LLGL2: variants seen among roughly 807,000 people sequenced by gnomAD.
The protein encoded by LLGL2 is LLGL2, scribble cell polarity complex component.
A neutral mutation model predicts 123.2 loss-of-function variants in LLGL2; 81 were observed. The ratio of observed to expected loss-of-function variants is 0.66; its 90% CI spans 0.55 to 0.79. The LOEUF (loss-of-function observed/expected upper bound fraction) is 0.79. LLGL2 is among the 30% of genes least tolerant of loss of function. The pLI, the probability that LLGL2 is intolerant of heterozygous loss-of-function variation, is 0.00. For missense variants in LLGL2, 1,273 were observed against 1,414.6 expected (o/e 0.90, Z 1.61); for synonymous variants, 577 against 594.1 (o/e 0.97, Z 0.42).
chr17:75,548,801 T>C (rs928680601), intron 2 of LLGL2, among the ~76,000 whole-genome samples: 2 of 151,510 alleles, frequency 1.3e-5, no homozygotes, highest in African/African-American at 4.9e-5. Context: ...GGTAGCCCAT[T>C]CTGGTCTCCT....
intron 2 of LLGL2, among the ~76,000 whole-genome samples, chr17:75,552,128 T>A (rs1252183766): frequency 6.7e-6 from 1 of 150,070 alleles, no homozygotes; most frequent in East Asian, 2.0e-4. Flanking sequence ...ACTCTGTCTT[T>A]AAAAAAAAAG....
rs139250953 is a variant in LLGL2, at chr17:75,535,996, G to A, written c.-30-7401G>A. Among the ~76,000 whole-genome samples, 639 of 152,352 alleles carry A rather than the reference G, an allele frequency of 4.2e-3. 7 individuals carry two copies. Among genetic ancestry groups the A allele is most frequent in the African/African-American group, 0.014 (591 of 41,576 alleles). On this transcript the variant is annotated intron_variant, in intron 1 of 25. Coordinates refer to ENST00000392550, the MANE Select transcript of LLGL2 (RefSeq NM_001031803.2). ...TGCAAGGCACAGACTTGGGTAGAAA[G>A]TGGATGGGAACCAGCCACAAGGCAG...
intron 2 of LLGL2, among the ~76,000 whole-genome samples, chr17:75,551,312 C>G (rs2054661314): frequency 6.6e-6 from 1 of 152,182 alleles, no homozygotes; most frequent in Admixed American, 6.5e-5. Context: ...CCAAGGACAG[C>G]TCTGCCCAGT....
intron 1 of LLGL2, among the ~76,000 whole-genome samples, chr17:75,528,691 T>G (rs2053664336): frequency 6.6e-6 from 1 of 151,274 alleles, no homozygotes; most frequent in Admixed American, 6.6e-5. Flanking sequence ...TGAGCCAAGA[T>G]CACGCCATTG....
intron 19 of LLGL2, 96 bp from the exon 20 acceptor site, chr17:75,572,918 C>T (rs1457886105): frequency 7.7e-6 from 11 of 1,432,814 alleles, no homozygotes; most frequent in African/African-American, 4.2e-5. Flanking sequence ...GTCAGGACAC[C>T]GGGAGGCATG....
chr17:75,572,474 T>C (rs937735933), intron 19 of LLGL2, among the ~76,000 whole-genome samples: 9 of 152,110 alleles, frequency 5.9e-5, no homozygotes, highest in African/African-American at 1.9e-4. Context: ...CCATCCTGGC[T>C]AACACGGTGA....
Position 75,559,245 on chromosome 17 carries a change from GT to G in LLGL2, c.372-6del. On this transcript the variant is annotated splice_region_variant and splice_polypyrimidine_tract_variant and intron_variant, in intron 5 of 25. Coordinates refer to ENST00000392550, the MANE Select transcript of LLGL2 (RefSeq NM_001031803.2). The surrounding 1 kb of genome is among the most constrained non-coding windows in gnomAD (Gnocchi z 4.6). ...GGTCGGCTCACGGGCAGCTGTTCTT[GT>G]CACAGGGCTGCCCCCAGTGCCACAC... 6.3e-7 allele frequency: 1 copy of G among 1,590,268 alleles called. No homozygotes were observed. The highest frequency in any genetic ancestry group is 1.1e-5 in the South Asian group (1 of 88,760).
At chr17:75,565,983 G>A (rs925852365) in intron 10 of LLGL2, among the ~76,000 whole-genome samples, 1 of 152,172 alleles carries the variant, frequency 6.6e-6, no homozygotes, top group Non-Finnish European at 1.5e-5. Context: ...AATGTCAGAG[G>A]TAAGAAAAAA....
In LLGL2 at chr17:75,563,691, T is replaced by C. The variant is rs982469085; in HGVS notation, c.827-61T>C. 8 of 1,583,792 alleles carry C rather than the reference T, an allele frequency of 5.1e-6. No individual in the cohort carries two copies. The Admixed American group carries it at 8.3e-5, about 17-fold the overall frequency. ...CATGAGCTAGAGGGATCTGTGCCTG[T>C]GGGGACTGACACTTGTCTGAGAGTT... On this transcript the variant is annotated intron_variant, in intron 8 of 25. Transcript: ENST00000392550.
chr17:75,531,430 G>A lies in LLGL2; in HGVS notation c.-31+5605G>A, dbSNP rs2053782545. ...CCTCTGAGTTGGGGGCCAGAATGGA[G>A]GCCCAAGAGACCAATGTTCTTTCTC... On this transcript the variant is annotated intron_variant, in intron 1 of 25. Transcript: ENST00000392550. Among the ~76,000 whole-genome samples the A allele has an allele frequency of 2.0e-5, 3 of 152,214 alleles. No individual in the cohort carries two copies. The South Asian group carries it at 6.2e-4, about 31-fold the overall frequency.
intron 1 of LLGL2, among the ~76,000 whole-genome samples, chr17:75,529,641 T>C (rs1427466523): frequency 6.6e-6 from 1 of 151,824 alleles, no homozygotes; most frequent in Non-Finnish European, 1.5e-5. Context: ...GGCAGACGGA[T>C]CATGAGGTCA....
intron 16 of LLGL2, 140 bp downstream of exon 16, chr17:75,570,638 C>CTGTCTGAGG: frequency 9.5e-7 from 1 of 1,054,010 alleles, no homozygotes; most frequent in Non-Finnish European, 1.3e-6. Flanking sequence ...ATTGTGTGAC[C>CTGTCTGAGG]TCAGACAGGT....
At chr17:75,567,001 T>C (rs2055470798) in intron 10 of LLGL2, among the ~76,000 whole-genome samples, 1 of 152,006 alleles carries the variant, frequency 6.6e-6, no homozygotes, top group East Asian at 1.9e-4. Context: ...CCAGGGGCCC[T>C]GATGAGGCTG....
Position 75,559,498 on chromosome 17 carries a change from G to T in LLGL2, c.530+88G>T. On this transcript the variant is annotated intron_variant, in intron 6 of 25. Transcript: ENST00000392550. This position sits in a 1 kb window ranked among gnomAD's most constrained non-coding sequence, Gnocchi z 4.6. ...TGGTCCCAGGACTCTGTCAGGAGCT[G>T]TCATTTCTCTGCTGGGAATTCCATG... 1 of 1,467,440 alleles carries T rather than the reference G, an allele frequency of 6.8e-7. No individual in the cohort carries two copies. 90.9% of individuals were successfully genotyped at this position (1,467,440 alleles called of 1,614,324 possible).
chr17:75,558,866 G>A lies in LLGL2; in HGVS notation c.371+239G>A, dbSNP rs570191278. 4.2e-3 allele frequency: 852 copies of A among 205,012 alleles called. 8 individuals carry two copies. The highest frequency in any genetic ancestry group is 0.011 in the African/African-American group (266 of 24,682). The allele number at this position is 205,012 out of a possible 1,614,324, so 12.7% of individuals were successfully genotyped here. ...ACCCCACCTCCTCCATCCGCACCCC[G>A]CCTCCTCCATCCGCACCCCACCTCC... On this transcript the variant is annotated intron_variant, in intron 5 of 25. Transcript: ENST00000392550. The surrounding 1 kb of genome is among the most constrained non-coding windows in gnomAD (Gnocchi z 4.0).
chr17:75,574,928 C>T lies in LLGL2; in HGVS notation c.*50C>T. ...ATGAGCACACACTACTACTGATGGC[C>T]TTTCGGGGGTCCCTGCCCCAACCGG... On this transcript the variant is annotated 3_prime_UTR_variant, in exon 26 of 26. Coordinates refer to ENST00000392550, the MANE Select transcript of LLGL2 (RefSeq NM_001031803.2). 6.2e-7 allele frequency: 1 copy of T among 1,613,620 alleles called. No homozygotes were observed. Among genetic ancestry groups the T allele is most frequent in the South Asian group, 1.1e-5 (1 of 91,084 alleles).
chr17:75,573,102 A>G lies in LLGL2; in HGVS notation c.2549A>G (p.His850Arg), dbSNP rs1469017207. ...GSRVRRVSVA[H>R]FGSRRAEDYG... ...AGAGTGCGGCGGGTCAGCGTGGCCC[A>G]CTTCGGCAGTCGTCGAGCCGAGGAC... The change falls in exon 20 of 26, where the codon CAC becomes CGC. Residue 850 changes from histidine (H) to arginine (R), a missense_variant. His to Arg is a conservative substitution (Grantham distance 29). Transcript: ENST00000392550. 5 of 1,612,758 alleles carry G rather than the reference A, an allele frequency of 3.1e-6. No individual in the cohort carries two copies. The Admixed American group carries it at 6.7e-5, about 22-fold the overall frequency.
intron 1 of LLGL2, among the ~76,000 whole-genome samples, chr17:75,529,346 A>G (rs112423278): frequency 0.23 from 33,962 of 150,858 alleles, 4,224 homozygotes; most frequent in African/African-American, 0.32. Flanking sequence ...GCAGGCAGGC[A>G]CCACCAGGCC....
At chr17:75,572,119 C>T (rs1039976656) in intron 19 of LLGL2, 55 bp downstream of exon 19, 2 of 1,554,748 alleles carry the variant, frequency 1.3e-6, no homozygotes, top group Admixed American at 3.5e-5. Flanking sequence ...ATCCAGGAGG[C>T]TCGGACCTTG....
Sources: gnomAD v4.1 joint callset for allele counts (sites outside exome capture counted in the v4.1 genomes callset) on GRCh38, gnomAD v4.1.1 for gene constraint, Gnocchi (gnomAD v3.1) non-coding constraint, MANE v1.5 for transcripts, NCBI Gene and HGNC (gene_info 2026-07-23, HGNC 2026-07-21) for gene names.